Variants in SPECC1 observed in about 807,000 individuals in gnomAD.
SPECC1 encodes the protein sperm antigen with calponin homology and coiled-coil domains 1, also known as cytospin-B.
Under a neutral mutation model 104.1 loss-of-function variants are expected in SPECC1, and 62 were observed. The observed-to-expected ratio is 0.60, with a 90% CI of 0.49 to 0.74. The LOEUF is 0.74. Among genes scored for constraint, SPECC1 ranks in the 30% least tolerant of loss-of-function variants. The probability of loss-of-function intolerance (pLI) is 0.00; values close to 1 mark genes in which losing one functional copy is unlikely to be tolerated. For synonymous variants in SPECC1, 513 were observed against 501.6 expected (o/e 1.02, Z -0.30); for missense variants, 1,306 against 1,310.5 (o/e 1.00, Z 0.05).
intron 2 of SPECC1, among the ~76,000 whole-genome samples, chr17:20,108,229 AAAAG>A (rs1185998265): frequency 6.6e-6 from 1 of 151,408 alleles, no homozygotes; most frequent in Non-Finnish European, 1.5e-5. Context: ...AATTACAAAA[AAAAG>A]GAAAAAAAAA....
At chr17:20,234,449 G>A (rs2038785848) in intron 7 of SPECC1, among the ~76,000 whole-genome samples, 1 of 152,174 alleles carries the variant, frequency 6.6e-6, no homozygotes, top group Admixed American at 6.5e-5. Context: ...GCAGTTAGTT[G>A]CTGGTGGTTC....
intron 3 of SPECC1, among the ~76,000 whole-genome samples, chr17:20,189,618 G>A (rs1597922715): frequency 6.6e-6 from 1 of 152,062 alleles, no homozygotes; most frequent in Non-Finnish European, 1.5e-5. Context: ...GACACAGAGC[G>A]GTCACTGTGT....
chr17:20,285,735 CCTTGTTTCCTT>C (rs2040921448), intron 12 of SPECC1, among the ~76,000 whole-genome samples: 1 of 151,948 alleles, frequency 6.6e-6, no homozygotes, highest in Admixed American at 6.6e-5. Flanking sequence ...GTCCTTCCCT[CCTTGTTTCCTT>C]CTTCCCTCCC....
intron 2 of SPECC1, among the ~76,000 whole-genome samples, chr17:20,105,761 G>A (rs1208962556): frequency 1.3e-5 from 2 of 152,200 alleles, no homozygotes; most frequent in Non-Finnish European, 2.9e-5. Context: ...GCGCACTGCT[G>A]TCTTGTGTTG....
chr17:20,222,728 G>T, intron 4 of SPECC1, among the ~76,000 whole-genome samples: 1 of 152,164 alleles, frequency 6.6e-6, no homozygotes, highest in Non-Finnish European at 1.5e-5. Flanking sequence ...ATGTTCAGAT[G>T]ATTTCTTTTT....
At chr17:20,116,630 T>C (rs2048768403) in intron 3 of SPECC1, among the ~76,000 whole-genome samples, 1 of 152,010 alleles carries the variant, frequency 6.6e-6, no homozygotes, top group African/African-American at 2.4e-5. Flanking sequence ...ATATAAAATG[T>C]AATAAGGATG....
intron 1 of SPECC1, among the ~76,000 whole-genome samples, chr17:20,089,404 A>G (rs11868084): frequency 0.5 from 75,056 of 151,296 alleles, 19,132 homozygotes; most frequent in Middle Eastern, 0.6. Flanking sequence ...ACGCGGGAGG[A>G]TCACTTGAGC....
At chr17:20,219,544 AT>A (rs1245159196) in intron 4 of SPECC1, among the ~76,000 whole-genome samples, 1 of 151,976 alleles carries the variant, frequency 6.6e-6, no homozygotes, top group Non-Finnish European at 1.5e-5. Flanking sequence ...CCCCCATTGA[AT>A]TGTTTAAGCT....
chr17:20,232,924 G>A (rs1237895558), intron 7 of SPECC1, among the ~76,000 whole-genome samples: 1 of 152,166 alleles, frequency 6.6e-6, no homozygotes, highest in Middle Eastern at 3.2e-3. Flanking sequence ...AAGGATGAGA[G>A]TAGAAAACAT....
rs766856210 is a variant in SPECC1 at position 20,231,792 on chromosome 17, C to G, written c.2106C>G (p.Asp702Glu). The change falls in exon 6 of 15, where the codon GAC becomes GAG. Residue 702 changes from aspartate to glutamate, a missense_variant. Transcript: ENST00000395527. ...SVIKLEEQKS[D>E]LERQLKTLTK... Reference sequence around the variant, plus strand: ...TCAAGCTGGAGGAACAGAAGTCAGACCTGGAGAGGCAGCTGAAGACTCTGA... The same window carrying G: ...TCAAGCTGGAGGAACAGAAGTCAGAGCTGGAGAGGCAGCTGAAGACTCTGA... 2 of 1,613,892 alleles carry G rather than the reference C, an allele frequency of 1.2e-6. No homozygotes were observed. Among genetic ancestry groups the G allele is most frequent in the African/African-American group, 2.7e-5 (2 of 74,860 alleles).
intron 13 of SPECC1, among the ~76,000 whole-genome samples, chr17:20,300,612 C>T (rs1210474091): frequency 1.3e-5 from 2 of 152,220 alleles, no homozygotes; most frequent in Admixed American, 1.3e-4. Context: ...TTCTCAGGCT[C>T]CAAATTGTGA....
chr17:20,177,579 G>T (rs1049083307), intron 3 of SPECC1, among the ~76,000 whole-genome samples: 4 of 152,014 alleles, frequency 2.6e-5, no homozygotes, highest in African/African-American at 4.8e-5. Context: ...TTAGTTAACG[G>T]CATATCAACA....
intron 3 of SPECC1, among the ~76,000 whole-genome samples, chr17:20,168,898 G>A (rs2033872129): frequency 6.6e-6 from 1 of 151,956 alleles, no homozygotes; most frequent in Non-Finnish European, 1.5e-5. Context: ...TTTGAGGCAG[G>A]GTCTTGCTCT....
intron 2 of SPECC1, among the ~76,000 whole-genome samples, chr17:20,109,566 C>G (rs2048381478): frequency 6.6e-6 from 1 of 152,338 alleles, no homozygotes; most frequent in East Asian, 1.9e-4. Context: ...GAAAGCAAAG[C>G]CAGAACAGAG....
At chr17:20,032,953 CAT>C (rs199499457) in intron 1 of SPECC1, among the ~76,000 whole-genome samples, 2,484 of 149,036 alleles carry the variant, frequency 0.017, 39 homozygotes, top group Non-Finnish European at 0.025. Context: ...CACACACACA[CAT>C]ATATATATGT....
At chr17:20,091,763 C>T (rs2047411324) in intron 1 of SPECC1, among the ~76,000 whole-genome samples, 1 of 152,208 alleles carries the variant, frequency 6.6e-6, no homozygotes, top group Non-Finnish European at 1.5e-5. Flanking sequence ...TTGGCCTCTT[C>T]CGCTTCCCAG....
At chr17:20,216,676 C>A (rs905888466) in intron 4 of SPECC1, among the ~76,000 whole-genome samples, 6 of 152,152 alleles carry the variant, frequency 3.9e-5, no homozygotes, top group Non-Finnish European at 7.3e-5. Flanking sequence ...GTCCTCTCTG[C>A]AGGAACCCTT....
chr17:20,033,729 C>T (rs2044926183), intron 1 of SPECC1, among the ~76,000 whole-genome samples: 1 of 152,180 alleles, frequency 6.6e-6, no homozygotes, highest in Non-Finnish European at 1.5e-5. Context: ...GGATATGCCA[C>T]CCCCATGACT....
chr17:20,105,634 G>C (rs889168407), intron 2 of SPECC1, among the ~76,000 whole-genome samples: 2 of 152,164 alleles, frequency 1.3e-5, no homozygotes, highest in Non-Finnish European at 2.9e-5. Flanking sequence ...GCAGCTACCT[G>C]TGCTTTCCCC....
Sources: allele counts gnomAD v4.1 joint callset (sites outside exome capture counted in the v4.1 genomes callset), GRCh38; gene constraint gnomAD v4.1.1; transcripts MANE v1.5; gene names NCBI Gene and HGNC (gene_info 2026-07-23, HGNC 2026-07-21).